ATP11A: variants seen among roughly 807,000 people sequenced by gnomAD.
ATP11A encodes phospholipid-transporting ATPase IH.
Under a neutral mutation model 154.4 loss-of-function variants are expected in ATP11A, and 81 were observed. That is an observed-to-expected ratio of 0.52 (90% confidence interval 0.44 to 0.63). ATP11A has a LOEUF of 0.63. ATP11A is among the 30% of genes least tolerant of loss of function. The pLI, the probability that ATP11A is intolerant of heterozygous loss-of-function variation, is 0.00. For missense variants in ATP11A, 1,316 were observed against 1,474.3 expected (o/e 0.89, Z 1.76); for synonymous variants, 623 against 585.9 (o/e 1.06, Z -0.91).
rs376119053 is a variant in ATP11A, at chr13:112,858,335, C to T, written c.2667+45C>T. 4.6e-5 allele frequency: 72 copies of T among 1,576,098 alleles called. 1 individual carries two copies. In the South Asian group the frequency reaches 6.1e-4, roughly 13 times the overall value. Reference sequence around the variant, plus strand: ...CCCTCACGGTGTTAGCAACAGGTCACGCACAGGGTGGCACGACCCTTGTCT... The same window carrying T: ...CCCTCACGGTGTTAGCAACAGGTCATGCACAGGGTGGCACGACCCTTGTCT... On this transcript the variant is annotated intron_variant, in intron 22 of 29. Coordinates refer to ENST00000375645, the MANE Select transcript of ATP11A (RefSeq NM_015205.3).
At chr13:112,816,345 C>T (rs2140184016) in intron 6 of ATP11A, 134 bp downstream of exon 6, 1 of 1,130,090 alleles carries the variant, frequency 8.8e-7, no homozygotes, top group Non-Finnish European at 1.2e-6. Context: ...TTACACCAGC[C>T]ATGTTTTTCC....
chr13:112,695,317 G>A (rs1298652148), intron 1 of ATP11A, among the ~76,000 whole-genome samples: 1 of 152,204 alleles, frequency 6.6e-6, no homozygotes, highest in Non-Finnish European at 1.5e-5. Flanking sequence ...GACTCGTAAA[G>A]TGTTCATAAT....
intron 17 of ATP11A, 148 bp from the exon 18 acceptor site, chr13:112,850,889 G>C: frequency 3.2e-6 from 2 of 618,796 alleles, no homozygotes; most frequent in Admixed American, 5.5e-5. Context: ...TTCTTTCTTT[G>C]TTTACTTAGT....
chr13:112,755,692 G>A (rs113908874), intron 1 of ATP11A, among the ~76,000 whole-genome samples: 2 of 143,128 alleles, frequency 1.4e-5, no homozygotes, highest in South Asian at 2.2e-4. Flanking sequence ...AACCATTTCC[G>A]GTCACGGAAC....
At chr13:112,871,027 C>A (rs1480113187) in intron 25 of ATP11A, among the ~76,000 whole-genome samples, 1 of 152,234 alleles carries the variant, frequency 6.6e-6, no homozygotes, top group Non-Finnish European at 1.5e-5. Context: ...ATCTGTGGTT[C>A]TGGCCGCACG....
Position 112,819,844 on chromosome 13 carries a change from G to A in ATP11A, c.675-56G>A, listed in dbSNP as rs540608623. The A allele has an allele frequency of 2.0e-4, 320 of 1,602,796 alleles. 1 individual carries two copies. Among genetic ancestry groups the A allele is most frequent in the Non-Finnish European group, 2.5e-4 (297 of 1,170,998 alleles). On this transcript the variant is annotated intron_variant, in intron 7 of 29. Coordinates refer to ENST00000375645, the MANE Select transcript of ATP11A (RefSeq NM_015205.3). ...CAGAAGGCAGGTGGGCCAGGCGCGC[G>A]CTTCCCGGGGGCCGCTGGGCGCGTC...
At chr13:112,734,809 T>C (rs552902564) in intron 1 of ATP11A, among the ~76,000 whole-genome samples, 27 of 152,234 alleles carry the variant, frequency 1.8e-4, no homozygotes, top group African/African-American at 6.0e-4. Flanking sequence ...CCTGGTGGGG[T>C]GGCAGGTGCC....
Position 112,690,507 on chromosome 13 carries a change from C to T in ATP11A, c.39+52C>T. ...GACCCGGGGACCAGACAGACGCGGG[C>T]CGGCCCCGCAGCCCGGACCCTGTGG... On this transcript the variant is annotated intron_variant, in intron 1 of 29. Coordinates refer to ENST00000375645, the MANE Select transcript of ATP11A (RefSeq NM_015205.3). This position sits in a 1 kb window ranked among gnomAD's most constrained non-coding sequence, Gnocchi z 5.6. 2 of 1,274,372 alleles carry T rather than the reference C, an allele frequency of 1.6e-6. No individual in the cohort carries two copies. The highest frequency in any genetic ancestry group is 2.0e-6 in the Non-Finnish European group (2 of 1,010,234). 78.9% of individuals were successfully genotyped at this position (1,274,372 alleles called of 1,614,324 possible). A position where few individuals can be genotyped will look rare whatever the true frequency, so the allele number is the denominator to read the frequency against.
intron 1 of ATP11A, among the ~76,000 whole-genome samples, chr13:112,743,699 G>A (rs760123834): frequency 1.7e-4 from 26 of 152,198 alleles, no homozygotes; most frequent in Non-Finnish European, 3.2e-4. Flanking sequence ...TAGAGTTGAC[G>A]GCTTAGGCAG....
chr13:112,831,485 G>T lies in ATP11A; in HGVS notation c.1332G>T (p.Gly444=), dbSNP rs776290407. 2.5e-6 allele frequency: 4 copies of T among 1,614,178 alleles called. No individual in the cohort carries two copies. Among genetic ancestry groups the T allele is most frequent in the Non-Finnish European group, 3.4e-6 (4 of 1,180,028 alleles). The change falls in exon 13 of 30, where the codon GGG becomes GGT. Residue 444 remains glycine, a synonymous_variant. Transcript: ENST00000375645. ...ACGTGCCCCACGTCATCTGCAACGG[G>T]CAGGTCCTCCCAGAGTCGTCAGGAA... ...HVYVPHVICN[G]QVLPESSGID...
At chr13:112,853,096 T>C (rs2140330505) in intron 18 of ATP11A, among the ~76,000 whole-genome samples, 1 of 152,208 alleles carries the variant, frequency 6.6e-6, no homozygotes, top group South Asian at 2.1e-4. Flanking sequence ...AGCAGGCACC[T>C]GTTGTCCTAG....
At chr13:112,872,566 G>T (rs1266656914) in intron 26 of ATP11A, among the ~76,000 whole-genome samples, 1 of 152,200 alleles carries the variant, frequency 6.6e-6, no homozygotes. Flanking sequence ...AGCCAAGATC[G>T]CACCACTGCA....
At position 112,884,566 on chromosome 13, in the gene ATP11A, T is replaced by A. The variant is rs2080943916; in HGVS notation, c.*2700T>A. ...AGTGAATGACGTTGCAGGGTCTTCATGCAATTTTCCACCTCGCAGTAGTTA... is the reference window on the plus strand; with the variant it reads ...AGTGAATGACGTTGCAGGGTCTTCAAGCAATTTTCCACCTCGCAGTAGTTA... On this transcript the variant is annotated 3_prime_UTR_variant, in exon 30 of 30. Transcript: ENST00000375645. 1 of 152,270 alleles carries A rather than the reference T, an allele frequency of 6.6e-6. No homozygotes were observed. The highest frequency in any genetic ancestry group is 2.4e-5 in the African/African-American group (1 of 41,466). 9.4% of individuals were successfully genotyped at this position (152,270 alleles called of 1,614,324 possible). A position where few individuals can be genotyped will look rare whatever the true frequency, so the allele number is the denominator to read the frequency against.
At chr13:112,711,256 A>T (rs991226683) in intron 1 of ATP11A, among the ~76,000 whole-genome samples, 24 of 152,206 alleles carry the variant, frequency 1.6e-4, no homozygotes, top group Non-Finnish European at 3.2e-4. Flanking sequence ...TTGTCGCTTA[A>T]AAAAGTGGCT....
intron 1 of ATP11A, among the ~76,000 whole-genome samples, chr13:112,728,529 G>T (rs1261073259): frequency 1.4e-5 from 2 of 146,846 alleles, no homozygotes; most frequent in East Asian, 4.1e-4. Flanking sequence ...CGTGGAGGGG[G>T]CCGTGAGACT....
chr13:112,784,916 T>C (rs922275810), intron 1 of ATP11A, among the ~76,000 whole-genome samples: 1 of 152,174 alleles, frequency 6.6e-6, no homozygotes, highest in Admixed American at 6.5e-5. Flanking sequence ...CAGACCCTCC[T>C]GGTGCTCACC....
rs200406456 is a variant in ATP11A, at chr13:112,705,225, T to A, written c.39+14770T>A. On this transcript the variant is annotated intron_variant, in intron 1 of 29. Transcript: ENST00000375645. ...CTGTCATGGTGGCTGGAGTTTCCTT[T>A]TGTCCTCATTTCTGATGTTATTTAA... 2.1e-5 allele frequency among the ~76,000 whole-genome samples: 3 copies of A among 145,338 alleles called. No homozygotes were observed. The East Asian group carries it at 5.8e-4, about 28-fold the overall frequency.
chr13:112,817,543 G>A (rs1340800423), intron 6 of ATP11A, among the ~76,000 whole-genome samples: 1 of 152,162 alleles, frequency 6.6e-6, no homozygotes, highest in Non-Finnish European at 1.5e-5. Context: ...CCTGGGAGGA[G>A]GTTAAGGTTC....
intron 25 of ATP11A, among the ~76,000 whole-genome samples, chr13:112,867,102 C>G (rs2080359208): frequency 6.6e-6 from 1 of 152,314 alleles, no homozygotes; most frequent in African/African-American, 2.4e-5. Context: ...CACTGAGATT[C>G]CAGGCTCCTG....
Sources: allele counts gnomAD v4.1 joint callset (sites outside exome capture counted in the v4.1 genomes callset), GRCh38; gene constraint gnomAD v4.1.1; non-coding constraint Gnocchi (gnomAD v3.1); transcripts MANE v1.5; gene names NCBI Gene and HGNC (gene_info 2026-07-23, HGNC 2026-07-21).